NME7: variants seen among roughly 807,000 people sequenced by gnomAD.
The protein encoded by NME7 is NME/NM23 family member 7, also known as nucleoside diphosphate kinase 7.
NME7 carries 41 observed loss-of-function variants against 49.1 expected under a neutral mutation model. The observed-to-expected ratio is 0.83, with a 90% CI of 0.65 to 1.08. The LOEUF (loss-of-function observed/expected upper bound fraction) is 1.08. Ranked by LOEUF, NME7 falls within the 50% of genes least tolerant of loss-of-function variation. The pLI, the probability that NME7 is intolerant of heterozygous loss-of-function variation, is 0.00. For missense variants in NME7, 423 were observed against 463.4 expected (o/e 0.91, Z 0.80); for synonymous variants, 139 against 150.6 (o/e 0.92, Z 0.56).
rs187526821 is a variant in NME7, at chr1:169,300,350, C to A, written c.441-1587G>T. ...TTTATAACACTTGATTTGAAATAAT[C>A]TATAGCATAATAATTTTCTTACATA... On this transcript the variant is annotated intron_variant, in intron 5 of 11. Coordinates refer to ENST00000367811, the MANE Select transcript of NME7 (RefSeq NM_013330.5). Among the ~76,000 whole-genome samples, 478 of 152,192 alleles carry A rather than the reference C, an allele frequency of 3.1e-3. 12 individuals are homozygous for A. The highest frequency in any genetic ancestry group is 0.027 in the Admixed American group (412 of 15,278).
intron 11 of NME7, among the ~76,000 whole-genome samples, chr1:169,156,356 C>T (rs1300166694): frequency 2.4e-5 from 3 of 125,558 alleles, no homozygotes; most frequent in Admixed American, 2.3e-4. Flanking sequence ...AATTGTGCTA[C>T]TGTTTGAGAA....
At chr1:169,173,580 G>A (rs1358234943) in intron 10 of NME7, among the ~76,000 whole-genome samples, 1 of 151,974 alleles carries the variant, frequency 6.6e-6, no homozygotes, top group Non-Finnish European at 1.5e-5. Flanking sequence ...ATTAATTTTA[G>A]TTTTGATTAG....
In NME7 at chr1:169,237,619, C is replaced by T. The variant is rs1475297277; in HGVS notation, c.819+4G>A. On this transcript the variant is annotated splice_donor_region_variant and intron_variant, in intron 8 of 11. Transcript: ENST00000367811. ...AATATTATGGTTCATTGTAAACTACCTACCATCTGCATAGCTGAGATTTCA... is the reference window on the plus strand; with the variant it reads ...AATATTATGGTTCATTGTAAACTACTTACCATCTGCATAGCTGAGATTTCA... The T allele has an allele frequency of 6.2e-7, 1 of 1,601,690 alleles. No homozygotes were observed. Among genetic ancestry groups the T allele is most frequent in the Non-Finnish European group, 8.5e-7 (1 of 1,170,376 alleles).
intron 7 of NME7, among the ~76,000 whole-genome samples, chr1:169,245,653 T>C (rs989282765): frequency 1.2e-4 from 18 of 152,208 alleles, no homozygotes; most frequent in Middle Eastern, 3.4e-3. Context: ...TTAAATCAAA[T>C]TGGAAGGATA....
chr1:169,196,895 A>G (rs1660395406), intron 10 of NME7, among the ~76,000 whole-genome samples: 2 of 152,176 alleles, frequency 1.3e-5, no homozygotes, highest in African/African-American at 2.4e-5. Context: ...TTGTATATAA[A>G]AGCCTTTGAT....
intron 7 of NME7, among the ~76,000 whole-genome samples, chr1:169,238,403 G>A (rs965286042): frequency 6.6e-6 from 1 of 150,614 alleles, no homozygotes; most frequent in African/African-American, 2.4e-5. Flanking sequence ...GATTCCATTT[G>A]TTTCCTATAA....
chr1:169,327,352 T>C (rs891099719), intron 1 of NME7, among the ~76,000 whole-genome samples: 1 of 152,204 alleles, frequency 6.6e-6, no homozygotes, highest in East Asian at 1.9e-4. Flanking sequence ...GCCAAATCAT[T>C]TTTCCTCTTT....
At chr1:169,208,120 T>A (rs916254896) in intron 10 of NME7, among the ~76,000 whole-genome samples, 1 of 152,154 alleles carries the variant, frequency 6.6e-6, no homozygotes, top group African/African-American at 2.4e-5. Flanking sequence ...TCTGCTTAAC[T>A]TCATTTAAAC....
intron 11 of NME7, among the ~76,000 whole-genome samples, chr1:169,163,934 C>A (rs913779194): frequency 4.6e-5 from 7 of 151,992 alleles, no homozygotes; most frequent in Non-Finnish European, 8.8e-5. Context: ...CATGGCAAAA[C>A]CCTGTCTCTA....
intron 11 of NME7, among the ~76,000 whole-genome samples, chr1:169,149,647 C>T (rs1658854245): frequency 6.6e-6 from 1 of 152,178 alleles, no homozygotes; most frequent in African/African-American, 2.4e-5. Flanking sequence ...GCTGTAATTA[C>T]AGTTATGTTG....
intron 11 of NME7, chr1:169,168,950 T>C (rs1557971106): frequency 2.2e-6 from 1 of 449,372 alleles, no homozygotes; most frequent in East Asian, 7.0e-5. Context: ...GTTCAAACAT[T>C]GTTCAAGGGT....
chr1:169,203,888 G>T (rs1412819017), intron 10 of NME7, among the ~76,000 whole-genome samples: 1 of 152,078 alleles, frequency 6.6e-6, no homozygotes, highest in Non-Finnish European at 1.5e-5. Context: ...ACAGGGTCTT[G>T]CTCTGTCAAC....
intron 1 of NME7, among the ~76,000 whole-genome samples, chr1:169,357,895 G>C (rs979853243): frequency 6.6e-6 from 1 of 152,062 alleles, no homozygotes; most frequent in Non-Finnish European, 1.5e-5. Flanking sequence ...GATATTCAGG[G>C]ATCTCACACC....
chr1:169,367,677 A>G (rs1241259254), intron 1 of NME7, 31 bp downstream of exon 1: 1 of 1,614,100 alleles, frequency 6.2e-7, no homozygotes, highest in Non-Finnish European at 8.5e-7. Flanking sequence ...AGGACCCCAG[A>G]GCCGTTCTTC....
intron 10 of NME7, among the ~76,000 whole-genome samples, chr1:169,191,173 A>C (rs996002267): frequency 4.6e-5 from 7 of 152,210 alleles, no homozygotes; most frequent in Non-Finnish European, 8.8e-5. Flanking sequence ...TAGACACTTC[A>C]GTGTTGGCAA....
chr1:169,250,999 A>G (rs1648548635), intron 7 of NME7, among the ~76,000 whole-genome samples: 1 of 151,992 alleles, frequency 6.6e-6, no homozygotes. Context: ...CATTTGTTCT[A>G]GAGTGCACTT....
At chr1:169,353,987 G>C (rs1419123103) in intron 1 of NME7, among the ~76,000 whole-genome samples, 1 of 152,072 alleles carries the variant, frequency 6.6e-6, no homozygotes. Flanking sequence ...ATTGAGAACA[G>C]TTTAGAGCTT....
At chr1:169,203,517 G>A (rs980998677) in intron 10 of NME7, among the ~76,000 whole-genome samples, 2 of 152,100 alleles carry the variant, frequency 1.3e-5, no homozygotes, top group Non-Finnish European at 2.9e-5. Context: ...TCACTCTAGG[G>A]TGAAGATTTA....
intron 6 of NME7, among the ~76,000 whole-genome samples, chr1:169,295,716 T>C (rs929405018): frequency 2.0e-5 from 3 of 152,184 alleles, no homozygotes; most frequent in Non-Finnish European, 2.9e-5. Context: ...TCATAGTTCA[T>C]GGCCATGAAC....
Sources: allele counts gnomAD v4.1 joint callset (sites outside exome capture counted in the v4.1 genomes callset), GRCh38; gene constraint gnomAD v4.1.1; transcripts MANE v1.5; gene names NCBI Gene and HGNC (gene_info 2026-07-23, HGNC 2026-07-21).